DGKI: variants seen among roughly 807,000 people sequenced by gnomAD.
DGKI encodes DAG kinase iota.
DGKI carries 55 observed loss-of-function variants against 147.5 expected under a neutral mutation model. The ratio of observed to expected loss-of-function variants is 0.37; its 90% CI spans 0.30 to 0.47. DGKI has a LOEUF of 0.47. Ranked by LOEUF, DGKI falls within the 20% of genes least tolerant of loss-of-function variation. DGKI has a pLI of 1.00. For missense variants in DGKI, 1,007 were observed against 1,323.8 expected, an observed-to-expected ratio of 0.76 and a Z score of 3.71; for synonymous variants, 469 against 477.1, an observed-to-expected ratio of 0.98 and a Z score of 0.22.
intron 19 of DGKI, among the ~76,000 whole-genome samples, chr7:137,561,783 G>A (rs1170787606): frequency 1.3e-5 from 2 of 151,974 alleles, no homozygotes; most frequent in African/African-American, 4.8e-5. Context: ...CTATATACAA[G>A]GAAATAATGA....
At chr7:137,554,645 C>A (rs1818159663) in intron 19 of DGKI, among the ~76,000 whole-genome samples, 1 of 152,048 alleles carries the variant, frequency 6.6e-6, no homozygotes, top group South Asian at 2.1e-4. Context: ...CTCCTTACTG[C>A]CTAAGTCATT....
rs551629526 is a variant in DGKI, at chr7:137,461,898, A to C, written c.2735+1591T>G. Among the ~76,000 whole-genome samples the C allele has an allele frequency of 1.2e-4, 19 of 152,342 alleles. No homozygotes were observed. The South Asian group carries it at 3.7e-3, about 30-fold the overall frequency. On this transcript the variant is annotated intron_variant, in intron 27 of 32. Coordinates refer to ENST00000614521, the MANE Select transcript of DGKI (RefSeq NM_001321708.2). ...GATAGTTTAACGCAAACAGACAGAAAGAGTTCATTTTGACATCTGGTTTTA... is the reference window on the plus strand; with the variant it reads ...GATAGTTTAACGCAAACAGACAGAACGAGTTCATTTTGACATCTGGTTTTA...
chr7:137,569,426 C>T (rs57226761), intron 19 of DGKI, among the ~76,000 whole-genome samples: 8,785 of 151,890 alleles, frequency 0.058, 622 homozygotes, highest in African/African-American at 0.17. Context: ...ATGATTTTGT[C>T]ACCTCCAAGA....
chr7:137,542,420 C>T (rs537936972), intron 20 of DGKI, among the ~76,000 whole-genome samples: 1 of 152,148 alleles, frequency 6.6e-6, no homozygotes, highest in Non-Finnish European at 1.5e-5. Flanking sequence ...CAATGAAATA[C>T]AGCTGGGCAA....
chr7:137,728,586 C>T (rs1009450914), intron 1 of DGKI, among the ~76,000 whole-genome samples: 3 of 152,042 alleles, frequency 2.0e-5, no homozygotes, highest in Non-Finnish European at 4.4e-5. Flanking sequence ...CTCACATAGC[C>T]GGGCCTCTCC....
chr7:137,560,771 G>T (rs991292288), intron 19 of DGKI, among the ~76,000 whole-genome samples: 2 of 152,186 alleles, frequency 1.3e-5, no homozygotes, highest in African/African-American at 2.4e-5. Context: ...GCCAAAGAAT[G>T]TGGGCAGCCT....
intron 21 of DGKI, among the ~76,000 whole-genome samples, chr7:137,521,500 C>T (rs772415225): frequency 6.6e-6 from 1 of 152,020 alleles, no homozygotes; most frequent in Non-Finnish European, 1.5e-5. Context: ...TGTTTGATAA[C>T]GCAGCCTCCA....
At chr7:137,820,862 G>A (rs1797875841) in intron 1 of DGKI, among the ~76,000 whole-genome samples, 1 of 152,136 alleles carries the variant, frequency 6.6e-6, no homozygotes, top group African/African-American at 2.4e-5. Flanking sequence ...CCCCCAGCCG[G>A]CATCAGGCCT....
chr7:137,732,847 C>T (rs901929851), intron 1 of DGKI, among the ~76,000 whole-genome samples: 4 of 151,778 alleles, frequency 2.6e-5, no homozygotes, highest in Non-Finnish European at 5.9e-5. Flanking sequence ...ATGCACCCCA[C>T]TACCACTTCT....
chr7:137,462,416 C>A (rs1814481240), intron 27 of DGKI, among the ~76,000 whole-genome samples: 1 of 152,154 alleles, frequency 6.6e-6, no homozygotes, highest in African/African-American at 2.4e-5. Flanking sequence ...TTGTTCCTTT[C>A]CCGTCTTCAC....
chr7:137,659,606 G>A (rs1324979747), intron 3 of DGKI, among the ~76,000 whole-genome samples: 1 of 152,206 alleles, frequency 6.6e-6, no homozygotes, highest in Non-Finnish European at 1.5e-5. Flanking sequence ...TCTACGAAAG[G>A]TGATAAATTA....
intron 1 of DGKI, among the ~76,000 whole-genome samples, chr7:137,789,351 T>A (rs116313320): frequency 2.8e-3 from 421 of 152,334 alleles, no homozygotes; most frequent in African/African-American, 9.3e-3. Context: ...CCACTCCCCA[T>A]GCTACCCTCC....
chr7:137,573,209 A>G (rs1818851835), intron 17 of DGKI, among the ~76,000 whole-genome samples: 1 of 152,202 alleles, frequency 6.6e-6, no homozygotes, highest in Non-Finnish European at 1.5e-5. Context: ...AAAAGAAAAA[A>G]GCCTCAAGTT....
chr7:137,840,742 C>T (rs769951413), intron 1 of DGKI, among the ~76,000 whole-genome samples: 47 of 152,130 alleles, frequency 3.1e-4, no homozygotes, highest in Non-Finnish European at 5.9e-4. Flanking sequence ...AAGAAACTCA[C>T]AATTGAGATG....
chr7:137,666,614 T>A (rs1822651139), intron 3 of DGKI, among the ~76,000 whole-genome samples: 1 of 152,180 alleles, frequency 6.6e-6, no homozygotes, highest in Non-Finnish European at 1.5e-5. Context: ...TAAGTTTGAA[T>A]GGGTTTGCAC....
chr7:137,623,586 A>G (rs1484278985), intron 6 of DGKI, 32 bp from the exon 7 acceptor site: 1 of 1,591,318 alleles, frequency 6.3e-7, no homozygotes, highest in South Asian at 1.1e-5. Context: ...CAGATAATTT[A>G]AAACCACCTC....
At chr7:137,475,830 C>G (rs1451776883) in intron 23 of DGKI, among the ~76,000 whole-genome samples, 2 of 152,072 alleles carry the variant, frequency 1.3e-5, no homozygotes, top group Non-Finnish European at 2.9e-5. Context: ...CAATTTATTT[C>G]CTGGCTACTG....
intron 27 of DGKI, among the ~76,000 whole-genome samples, chr7:137,463,126 C>T (rs1386583685): frequency 6.6e-6 from 1 of 152,168 alleles, no homozygotes; most frequent in African/African-American, 2.4e-5. Flanking sequence ...AACCACGTGT[C>T]ACTTTCAAGC....
chr7:137,481,137 G>A (rs923385871), intron 23 of DGKI, among the ~76,000 whole-genome samples: 14 of 152,042 alleles, frequency 9.2e-5, no homozygotes, highest in African/African-American at 3.1e-4. Flanking sequence ...CTCTGTGCAC[G>A]CTAAGATGTT....
Sources: allele counts gnomAD v4.1 joint callset (sites outside exome capture counted in the v4.1 genomes callset), GRCh38; gene constraint gnomAD v4.1.1; transcripts MANE v1.5; gene names NCBI Gene and HGNC (gene_info 2026-07-23, HGNC 2026-07-21).